ALK: variants seen among roughly 807,000 people sequenced by gnomAD.
ALK encodes the protein ALK tyrosine kinase receptor.
In ALK, 74 loss-of-function variants were observed where a neutral mutation model predicts 163.1. The observed-to-expected ratio is 0.45, with a 90% CI of 0.38 to 0.55. The LOEUF (loss-of-function observed/expected upper bound fraction) is 0.55, where lower values mean the gene tolerates loss of function less well. Ranked by LOEUF, ALK falls within the 20% of genes least tolerant of loss-of-function variation. The pLI is 0.00. For synonymous variants in ALK, 960 were observed against 843.2 expected (o/e 1.14, Z -2.40); for missense variants, 2,063 against 2,105.3 (o/e 0.98, Z 0.39).
chr2:29,309,257 G>A (rs1666630569), intron 8 of ALK, among the ~76,000 whole-genome samples: 1 of 152,162 alleles, frequency 6.6e-6, no homozygotes, highest in Non-Finnish European at 1.5e-5. Context: ...TCAATGGGGT[G>A]TTCCCCCATA....
At chr2:29,458,818 A>T (rs962736937) in intron 4 of ALK, among the ~76,000 whole-genome samples, 2 of 152,152 alleles carry the variant, frequency 1.3e-5, no homozygotes, top group African/African-American at 4.8e-5. Flanking sequence ...GGGCTGTGCT[A>T]AACAGAAGGT....
chr2:29,658,794 A>G, intron 3 of ALK, among the ~76,000 whole-genome samples: 1 of 152,180 alleles, frequency 6.6e-6, no homozygotes, highest in East Asian at 1.9e-4. Context: ...ACACATATAT[A>G]ATATTTATTA....
At chr2:29,381,208 G>A (rs1668887866) in intron 5 of ALK, among the ~76,000 whole-genome samples, 1 of 152,250 alleles carries the variant, frequency 6.6e-6, no homozygotes, top group Admixed American at 6.5e-5. Flanking sequence ...TGTAAAATGA[G>A]GATATTAGTC....
chr2:29,591,710 G>C (rs909211064), intron 3 of ALK, among the ~76,000 whole-genome samples: 1 of 151,926 alleles, frequency 6.6e-6, no homozygotes, highest in African/African-American at 2.4e-5. Context: ...AGGAGAGAGG[G>C]GGCCTGGTAA....
chr2:29,891,175 G>A (rs1667135282), intron 1 of ALK, among the ~76,000 whole-genome samples: 1 of 152,182 alleles, frequency 6.6e-6, no homozygotes, highest in South Asian at 2.1e-4. Flanking sequence ...GGGCCTTCCT[G>A]CCCTAAAATG....
chr2:29,197,907 A>AT (rs1047233754), intron 26 of ALK, among the ~76,000 whole-genome samples: 6 of 151,926 alleles, frequency 3.9e-5, no homozygotes, highest in African/African-American at 1.5e-4. Context: ...CTGTGCTGAG[A>AT]TTTTTTTTCA....
At chr2:29,919,749 C>A (rs1667934383) in intron 1 of ALK, among the ~76,000 whole-genome samples, 1 of 152,084 alleles carries the variant, frequency 6.6e-6, no homozygotes, top group Non-Finnish European at 1.5e-5. Flanking sequence ...AGGCGCTCTG[C>A]CAAGAGTATG....
intron 5 of ALK, among the ~76,000 whole-genome samples, chr2:29,374,197 G>A (rs1477755367): frequency 6.6e-6 from 1 of 152,188 alleles, no homozygotes; most frequent in African/African-American, 2.4e-5. Context: ...AATACGTATT[G>A]TGCCAAGCAT....
At chr2:29,206,047 G>C (rs577995583) in intron 26 of ALK, among the ~76,000 whole-genome samples, 7 of 152,190 alleles carry the variant, frequency 4.6e-5, no homozygotes, top group Non-Finnish European at 8.8e-5. Context: ...TTCAGAGAGA[G>C]AGCCCAAGTC....
intron 5 of ALK, among the ~76,000 whole-genome samples, chr2:29,377,301 C>T (rs1419937030): frequency 6.6e-6 from 1 of 151,870 alleles, no homozygotes; most frequent in African/African-American, 2.4e-5. Flanking sequence ...ATGGTGAAAC[C>T]CCGTCTCTAC....
chr2:29,721,809 TTGAC>T (rs1679431124), intron 1 of ALK, among the ~76,000 whole-genome samples: 1 of 152,196 alleles, frequency 6.6e-6, no homozygotes, highest in Non-Finnish European at 1.5e-5. Flanking sequence ...AAAAGCTTCT[TTGAC>T]TGCCACACTC....
chr2:29,549,196 A>T (rs1673651817), intron 3 of ALK, among the ~76,000 whole-genome samples: 2 of 151,984 alleles, frequency 1.3e-5, no homozygotes, highest in Admixed American at 6.6e-5. Flanking sequence ...GCACAGGTGT[A>T]TGTGTCTTTC....
At chr2:29,504,670 G>T (rs1357483796) in intron 4 of ALK, among the ~76,000 whole-genome samples, 2 of 152,096 alleles carry the variant, frequency 1.3e-5, no homozygotes, top group African/African-American at 4.8e-5. Flanking sequence ...AAGGAGAGAG[G>T]CAGTGAAGGG....
chr2:29,196,511 C>T (rs1376586822), intron 28 of ALK, among the ~76,000 whole-genome samples: 1 of 152,230 alleles, frequency 6.6e-6, no homozygotes, highest in African/African-American at 2.4e-5. Flanking sequence ...TTGATAAATT[C>T]TCGTGGACTG....
rs939297481 is a variant in ALK, at chr2:29,402,940, C to T, written c.1155-19081G>A. ...CACAAATGATTACCGAACCAGATCT[C>T]CTAGATTCTGTAGGTTGTGGCTCAA... On this transcript the variant is annotated intron_variant, in intron 4 of 28. Coordinates refer to ENST00000389048, the MANE Select transcript of ALK (RefSeq NM_004304.5). Among the ~76,000 whole-genome samples the T allele has an allele frequency of 2.6e-5, 4 of 152,114 alleles. No homozygotes were observed. In the East Asian group the frequency reaches 5.8e-4, roughly 22 times the overall value.
chr2:29,836,626 A>G (rs556989716), intron 1 of ALK, among the ~76,000 whole-genome samples: 1 of 152,354 alleles, frequency 6.6e-6, no homozygotes, highest in Non-Finnish European at 1.5e-5. Flanking sequence ...GAAGAACTTC[A>G]CTAATGGCTA....
At chr2:29,508,183 T>G (rs1672390927) in intron 4 of ALK, among the ~76,000 whole-genome samples, 1 of 152,074 alleles carries the variant, frequency 6.6e-6, no homozygotes, top group Non-Finnish European at 1.5e-5. Flanking sequence ...AAGCAGAAAG[T>G]ACACGTGGAC....
intron 4 of ALK, among the ~76,000 whole-genome samples, chr2:29,485,316 C>T (rs1362553143): frequency 6.6e-6 from 1 of 152,196 alleles, no homozygotes; most frequent in Non-Finnish European, 1.5e-5. Flanking sequence ...ATCTTATCTG[C>T]TGAGCTGACA....
chr2:29,687,733 C>T (rs1472681134), intron 3 of ALK, among the ~76,000 whole-genome samples: 1 of 151,898 alleles, frequency 6.6e-6, no homozygotes, highest in Non-Finnish European at 1.5e-5. Context: ...TTTTCTTTTA[C>T]AAACAATTTC....
Sources: allele counts gnomAD v4.1 joint callset (sites outside exome capture counted in the v4.1 genomes callset), GRCh38; gene constraint gnomAD v4.1.1; transcripts MANE v1.5; gene names NCBI Gene and HGNC (gene_info 2026-07-23, HGNC 2026-07-21).